The following RHCE variants were observed in gnomAD, a reference collection of about 807,000 sequenced individuals.
RHCE encodes the protein blood group Rh(CE) polypeptide.
RHCE carries 22 observed loss-of-function variants against 43.8 expected under a neutral mutation model. That is an observed-to-expected ratio of 0.50 (90% CI 0.36 to 0.72). RHCE has a LOEUF of 0.72. Among genes scored for constraint, RHCE ranks in the 30% least tolerant of loss-of-function variants. RHCE has a pLI of 0.00. For missense variants in RHCE, 385 were observed against 525.4 expected (o/e 0.73, Z 2.61); for synonymous variants, 156 against 210.7 (o/e 0.74, Z 2.25).
At chr1:25,379,029 T>G (rs1645872855) in intron 7 of RHCE, among the ~76,000 whole-genome samples, 1 of 152,162 alleles carries the variant, frequency 6.6e-6, no homozygotes, top group South Asian at 2.1e-4. Context: ...ATTATCTCAG[T>G]TCACTTTCTG....
At chr1:25,376,229 C>T (rs1461308872) in intron 7 of RHCE, among the ~76,000 whole-genome samples, 1 of 152,178 alleles carries the variant, frequency 6.6e-6, no homozygotes, top group East Asian at 1.9e-4. Flanking sequence ...GGATCTCTCT[C>T]CTTCAAGGCA....
At chr1:25,426,860 C>A (rs1004180781) in intron 2 of RHCE, among the ~76,000 whole-genome samples, 6 of 152,176 alleles carry the variant, frequency 3.9e-5, no homozygotes, top group Non-Finnish European at 8.8e-5. Flanking sequence ...AGTTTGAGAC[C>A]AGCCTGGCTA....
chr1:25,418,905 T>G (rs2042682251), intron 1 of RHCE, among the ~76,000 whole-genome samples: 1 of 152,166 alleles, frequency 6.6e-6, no homozygotes, highest in Non-Finnish European at 1.5e-5. Flanking sequence ...GTAAAGAACA[T>G]GGACCCTAGA....
chr1:25,396,778 G>A (rs1273608097), intron 3 of RHCE, among the ~76,000 whole-genome samples: 3 of 152,152 alleles, frequency 2.0e-5, no homozygotes, highest in Admixed American at 6.5e-5. Flanking sequence ...ATTACAATTC[G>A]AGATGAGATT....
chr1:25,390,672 T>A lies in RHCE; in HGVS notation c.801+77A>T, dbSNP rs1232116607. ...GCCCTCTCCCAACCCACGCTGGCCC[T>A]GGGGTGGGGAGGGGCATAAATATGT... On this transcript the variant is annotated intron_variant, in intron 5 of 9. Coordinates refer to ENST00000294413, the MANE Select transcript of RHCE (RefSeq NM_020485.8). 12 of 1,539,106 alleles carry A rather than the reference T, an allele frequency of 7.8e-6. No individual in the cohort carries two copies. The Admixed American group carries it at 2.0e-4, about 26-fold the overall frequency.
At chr1:25,384,453 G>C (rs1646089632) in intron 7 of RHCE, among the ~76,000 whole-genome samples, 1 of 151,892 alleles carries the variant, frequency 6.6e-6, no homozygotes, top group Non-Finnish European at 1.5e-5. Flanking sequence ...GACCTTGCTA[G>C]GTCAAGTCCT....
intron 1 of RHCE, among the ~76,000 whole-genome samples, chr1:25,410,548 G>C (rs897111759): frequency 3.3e-5 from 5 of 151,662 alleles, no homozygotes; most frequent in African/African-American, 1.2e-4. Flanking sequence ...TTGTGCTTCA[G>C]CCTCCTGTGC....
chr1:25,386,699 G>A (rs1646175342), intron 6 of RHCE, among the ~76,000 whole-genome samples: 1 of 152,216 alleles, frequency 6.6e-6, no homozygotes, highest in African/African-American at 2.4e-5. Context: ...GAGGGCGCCT[G>A]TAGTCCCAGC....
upstream of RHCE, among the ~76,000 whole-genome samples, chr1:25,424,602 G>T (rs1430174320): frequency 2.0e-5 from 3 of 151,938 alleles, no homozygotes; most frequent in Non-Finnish European, 2.9e-5. Flanking sequence ...TGGCCTGGCT[G>T]GTCTTGAACT....
intron 1 of RHCE, among the ~76,000 whole-genome samples, chr1:25,412,204 G>A (rs1448015350): frequency 1.3e-5 from 2 of 152,218 alleles, no homozygotes; most frequent in Non-Finnish European, 2.9e-5. Context: ...CCTTGCACAG[G>A]CTAGGCTGTC....
At chr1:25,389,256 T>C in intron 5 of RHCE, 143 bp from the exon 6 acceptor site, 2 of 1,442,038 alleles carry the variant, frequency 1.4e-6, no homozygotes, top group Non-Finnish European at 1.9e-6. Flanking sequence ...CTCCCCTGTG[T>C]TGGGGCTACG....
At chr1:25,401,979 C>A (rs574455513) in intron 3 of RHCE, among the ~76,000 whole-genome samples, 1 of 152,108 alleles carries the variant, frequency 6.6e-6, no homozygotes, top group East Asian at 1.9e-4. Flanking sequence ...CGGGTTCAAG[C>A]GATTCTCTTG....
intron 6 of RHCE, among the ~76,000 whole-genome samples, chr1:25,387,824 C>A (rs1279792465): frequency 6.6e-6 from 1 of 151,572 alleles, no homozygotes; most frequent in Non-Finnish European, 1.5e-5. Context: ...GTATATAAAA[C>A]ACTTTTTTTT....
At chr1:25,383,850 G>A (rs1030726381) in intron 7 of RHCE, among the ~76,000 whole-genome samples, 14 of 152,188 alleles carry the variant, frequency 9.2e-5, no homozygotes, top group African/African-American at 2.4e-4. Context: ...TTGATAGCTT[G>A]AACTCAGTCA....
Position 25,414,369 on chromosome 1 carries a change from C to T in RHCE, c.149-5500G>A, listed in dbSNP as rs181266799. 4.1e-3 allele frequency among the ~76,000 whole-genome samples: 619 copies of T among 152,226 alleles called. 3 individuals carry two copies. The highest frequency in any genetic ancestry group is 0.013 in the African/African-American group (557 of 41,538). ...TCTGAAGGCAGAACCAGCTTCACTC[C>T]CCCAGGCTCTAGGGTTGACCTCCAC... On this transcript the variant is annotated intron_variant, in intron 1 of 9. Transcript: ENST00000294413.
intron 7 of RHCE, among the ~76,000 whole-genome samples, chr1:25,381,442 ATTCTTT>A (rs1449550390): frequency 6.9e-6 from 1 of 145,580 alleles, no homozygotes. Context: ...TTAATGCTCC[ATTCTTT>A]TTCTTTTTCT....
In RHCE at chr1:25,411,461, C is replaced by T. The variant is rs1034494086; in HGVS notation, c.149-2592G>A. The T allele has an allele frequency of 5.0e-5, 78 of 1,548,922 alleles. No individual in the cohort carries two copies. In the Admixed American group the frequency reaches 8.4e-4, roughly 17 times the overall value. On this transcript the variant is annotated intron_variant, in intron 1 of 9. Coordinates refer to ENST00000294413, the MANE Select transcript of RHCE (RefSeq NM_020485.8). Reference sequence around the variant, plus strand: ...ACATTTAAATTCACTTCCATTGAAACGTACACACACCCAGGGTCTGCCAGA... The same window carrying T: ...ACATTTAAATTCACTTCCATTGAAATGTACACACACCCAGGGTCTGCCAGA...
intron 1 of RHCE, among the ~76,000 whole-genome samples, chr1:25,409,768 C>G (rs1248236610): frequency 6.8e-6 from 1 of 148,026 alleles, no homozygotes; most frequent in African/African-American, 2.4e-5. Flanking sequence ...AATCACTTTA[C>G]ATAGACTATC....
intron 3 of RHCE, among the ~76,000 whole-genome samples, chr1:25,394,886 T>C (rs1414208440): frequency 6.6e-6 from 1 of 151,910 alleles, no homozygotes; most frequent in Non-Finnish European, 1.5e-5. Context: ...GAAATGACTC[T>C]GGTCCCTGGC....
Sources: allele counts gnomAD v4.1 joint callset (sites outside exome capture counted in the v4.1 genomes callset), GRCh38; gene constraint gnomAD v4.1.1; transcripts MANE v1.5; gene names NCBI Gene and HGNC (gene_info 2026-07-23, HGNC 2026-07-21).